Variants in PTPRD observed in about 807,000 individuals in gnomAD.
PTPRD encodes the protein receptor-type tyrosine-protein phosphatase delta.
In PTPRD, 34 loss-of-function variants were observed where a neutral mutation model predicts 214.5. The ratio of observed to expected loss-of-function variants is 0.16; its 90% confidence interval spans 0.12 to 0.21. The LOEUF is 0.21. Ranked by LOEUF, PTPRD falls within the 10% of genes least tolerant of loss-of-function variation. The pLI is 1.00. For missense variants in PTPRD, 2,545 were observed against 2,398.7 expected (o/e 1.06, Z -1.27); for synonymous variants, 1,128 against 845.7 (o/e 1.33, Z -5.79).
At chr9:9,393,184 C>T (rs2066495808) in intron 9 of PTPRD, among the ~76,000 whole-genome samples, 1 of 150,966 alleles carries the variant, frequency 6.6e-6, no homozygotes, top group Non-Finnish European at 1.5e-5. Flanking sequence ...GAGAAGAAAG[C>T]CCTGCAACAA....
At chr9:8,810,900 TC>T in intron 11 of PTPRD, among the ~76,000 whole-genome samples, 1 of 152,288 alleles carries the variant, frequency 6.6e-6, no homozygotes, top group South Asian at 2.1e-4. Context: ...CAAGCCCCTT[TC>T]CCTTGTTGGC....
chr9:8,736,243 AATAATTGTACCT>A (rs1383822539), intron 11 of PTPRD, among the ~76,000 whole-genome samples: 1 of 152,174 alleles, frequency 6.6e-6, no homozygotes, highest in Admixed American at 6.5e-5. Flanking sequence ...TCACGTGTTA[AATAATTGTACCT>A]ATAGAACCCT....
At chr9:10,471,857 T>A (rs1003990934) in intron 2 of PTPRD, among the ~76,000 whole-genome samples, 1 of 151,992 alleles carries the variant, frequency 6.6e-6, no homozygotes, top group Non-Finnish European at 1.5e-5. Flanking sequence ...ACCTAGACCA[T>A]AATTATTTGA....
At chr9:10,249,082 A>T (rs1344766347) in intron 3 of PTPRD, among the ~76,000 whole-genome samples, 1 of 152,152 alleles carries the variant, frequency 6.6e-6, no homozygotes, top group Admixed American at 6.6e-5. Flanking sequence ...ATATATCTTA[A>T]GTCAGCAAAT....
At chr9:9,148,043 G>A (rs2099871605) in intron 10 of PTPRD, among the ~76,000 whole-genome samples, 1 of 152,134 alleles carries the variant, frequency 6.6e-6, no homozygotes, top group African/African-American at 2.4e-5. Context: ...TGAAAATATA[G>A]GTTAATACGC....
chr9:10,096,747 G>C (rs1223868793), intron 3 of PTPRD, among the ~76,000 whole-genome samples: 1 of 151,984 alleles, frequency 6.6e-6, no homozygotes, highest in Non-Finnish European at 1.5e-5. Flanking sequence ...AGTTTAATTA[G>C]ATCCCATTTA....
At chr9:8,790,768 G>GAAA (rs34252968) in intron 11 of PTPRD, among the ~76,000 whole-genome samples, 4 of 146,190 alleles carry the variant, frequency 2.7e-5, no homozygotes, top group Non-Finnish European at 4.5e-5. Flanking sequence ...GTAGGGAAAG[G>GAAA]AAAAAAAAAA....
intron 10 of PTPRD, among the ~76,000 whole-genome samples, chr9:9,123,593 A>C (rs2099819674): frequency 6.6e-6 from 1 of 152,192 alleles, no homozygotes; most frequent in African/African-American, 2.4e-5. Flanking sequence ...TTAGCAAAGT[A>C]ACCAGCCCAT....
At chr9:10,204,622 T>C (rs548386684) in intron 3 of PTPRD, among the ~76,000 whole-genome samples, 1 of 152,186 alleles carries the variant, frequency 6.6e-6, no homozygotes, top group African/African-American at 2.4e-5. Flanking sequence ...CTTAGTAATG[T>C]GTATAACTAT....
chr9:9,366,924 C>T (rs1420029582), intron 9 of PTPRD, among the ~76,000 whole-genome samples: 3 of 150,588 alleles, frequency 2.0e-5, no homozygotes, highest in African/African-American at 4.9e-5. Flanking sequence ...TTTATCTCTT[C>T]ACTATGTATA....
intron 11 of PTPRD, among the ~76,000 whole-genome samples, chr9:8,850,368 T>A (rs367869132): frequency 6.6e-6 from 1 of 152,092 alleles, no homozygotes; most frequent in Admixed American, 6.5e-5. Context: ...TAAAAGAGTT[T>A]AGAATGGAGA....
At chr9:10,025,672 C>A (rs189097014) in intron 4 of PTPRD, among the ~76,000 whole-genome samples, 455 of 152,192 alleles carry the variant, frequency 3.0e-3, no homozygotes, top group African/African-American at 0.01. Context: ...ATTAGATAAC[C>A]TTTAAATCCC....
chr9:9,261,173 G>T (rs536751736), intron 9 of PTPRD, among the ~76,000 whole-genome samples: 1 of 151,820 alleles, frequency 6.6e-6, no homozygotes, highest in Non-Finnish European at 1.5e-5. Flanking sequence ...TTTGGGTAAT[G>T]GCTGTTTTCT....
chr9:8,834,737 C>T (rs1404912467), intron 11 of PTPRD, among the ~76,000 whole-genome samples: 1 of 152,202 alleles, frequency 6.6e-6, no homozygotes, highest in Non-Finnish European at 1.5e-5. Flanking sequence ...GTTTGACCCA[C>T]AGACCAAAAC....
chr9:9,857,188 C>T (rs2061718706), intron 5 of PTPRD, among the ~76,000 whole-genome samples: 1 of 152,120 alleles, frequency 6.6e-6, no homozygotes, highest in African/African-American at 2.4e-5. Context: ...AAATGCTTTG[C>T]CCTCAATGTC....
intron 11 of PTPRD, among the ~76,000 whole-genome samples, chr9:8,788,188 T>C (rs1433487405): frequency 2.6e-5 from 4 of 151,470 alleles, no homozygotes; most frequent in Non-Finnish European, 4.4e-5. Context: ...AAGCAAAAAA[T>C]GGTTATGAGT....
intron 11 of PTPRD, among the ~76,000 whole-genome samples, chr9:8,822,065 G>A (rs2097079474): frequency 6.6e-6 from 1 of 152,228 alleles, no homozygotes; most frequent in African/African-American, 2.4e-5. Context: ...AAGTCACTGT[G>A]AAAGCAGAAA....
intron 2 of PTPRD, among the ~76,000 whole-genome samples, chr9:10,487,058 G>T (rs1380595698): frequency 6.6e-6 from 1 of 152,014 alleles, no homozygotes; most frequent in African/African-American, 2.4e-5. Context: ...TTATATACTG[G>T]CACTCTTTTT....
Position 8,871,289 on chromosome 9 carries a change from T to C in PTPRD, c.-103-137343A>G, listed in dbSNP as rs1207165784. On this transcript the variant is annotated intron_variant, in intron 11 of 45. Coordinates refer to ENST00000381196, the MANE Select transcript of PTPRD (RefSeq NM_002839.4). ...ACTCTAAAAAGCTACTTAATTGCAG[T>C]ATATTCTGTGAATGAAAGTTCACGG... is the stretch of plus-strand genomic sequence containing the variant. 2.6e-5 allele frequency among the ~76,000 whole-genome samples: 4 copies of C among 152,294 alleles called. No individual in the cohort carries two copies. In the East Asian group the frequency reaches 7.7e-4, roughly 29 times the overall value.
Sources: gnomAD v4.1 joint callset for allele counts (sites outside exome capture counted in the v4.1 genomes callset) on GRCh38, gnomAD v4.1.1 for gene constraint, MANE v1.5 for transcripts, NCBI Gene and HGNC (gene_info 2026-07-23, HGNC 2026-07-21) for gene names.